Variants in THOP1 observed in about 807,000 individuals in gnomAD.
The protein encoded by THOP1 is thimet oligopeptidase 1.
In THOP1, 49 loss-of-function variants were observed where a neutral mutation model predicts 71.8. That is an observed-to-expected ratio of 0.68 (90% CI 0.54 to 0.87). The LOEUF (loss-of-function observed/expected upper bound fraction) is 0.87, where lower values mean the gene tolerates loss of function less well. Among genes scored for constraint, THOP1 ranks in the 40% least tolerant of loss-of-function variants. THOP1 has a pLI of 0.00. For synonymous variants in THOP1, 426 were observed against 421.5 expected (o/e 1.01, Z -0.13); for missense variants, 843 against 975.6 (o/e 0.86, Z 1.81).
intron 9 of THOP1, chr19:2,809,976 G>A: frequency 2.5e-6 from 1 of 402,210 alleles, no homozygotes; most frequent in Non-Finnish European, 4.5e-6. Flanking sequence ...TCCCCACCCG[G>A]ACCTGGCCGT....
chr19:2,796,195 G>C lies in THOP1; in HGVS notation c.486+7G>C. 6.2e-7 allele frequency: 1 copy of C among 1,604,442 alleles called. No individual in the cohort carries two copies. Among genetic ancestry groups the C allele is most frequent in the Non-Finnish European group, 8.5e-7 (1 of 1,172,654 alleles). On this transcript the variant is annotated splice_region_variant and intron_variant, in intron 4 of 12. Transcript: ENST00000307741. ...CCCCAGAGAGACTCAGGAAGTGAGT[G>C]CTGGGTGTAGGGAGTGCTGGGCGTG...
In THOP1 at chr19:2,799,675, G is replaced by T. The variant is rs369747739; in HGVS notation, c.487-14G>T. On this transcript the variant is annotated splice_polypyrimidine_tract_variant and intron_variant, in intron 4 of 12. Transcript: ENST00000307741. ...CGGTCTCTCCCTCCCCTCACGCCCC[G>T]CCTTTCTCTCCAGAACATCAAACGC... 5.9e-6 allele frequency: 9 copies of T among 1,522,292 alleles called. No individual in the cohort carries two copies. The highest frequency in any genetic ancestry group is 5.6e-5 in the South Asian group (5 of 89,572). The allele number at this position is 1,522,292 out of a possible 1,614,324, so 94.3% of individuals were successfully genotyped here. A position where few individuals can be genotyped will look rare whatever the true frequency, so the allele number is the denominator to read the frequency against.
At position 2,807,458 on chromosome 19, in the gene THOP1, G is replaced by A; in HGVS notation, c.903G>A (p.Lys301=). ...VATFLDELAQ[K]LKPLGEQERA... ...TCCCCGCAGATGAGCTGGCGCAGAA[G>A]CTGAAGCCCCTGGGGGAGCAGGAGC... Residue 301 remains lysine (K), a synonymous_variant, in exon 8 of 13, where the codon AAG becomes AAA. Coordinates refer to ENST00000307741, the MANE Select transcript of THOP1 (RefSeq NM_003249.5). 1 of 1,595,442 alleles carries A rather than the reference G, an allele frequency of 6.3e-7. No individual in the cohort carries two copies. Among genetic ancestry groups the A allele is most frequent in the Non-Finnish European group, 8.6e-7 (1 of 1,168,568 alleles).
chr19:2,810,701 G>C lies in THOP1; in HGVS notation c.1704G>C (p.Thr568=), dbSNP rs776109159. 3.2e-6 allele frequency: 5 copies of C among 1,578,872 alleles called. No homozygotes were observed. The highest frequency in any genetic ancestry group is 3.3e-4 in the Middle Eastern group (2 of 6,034). ...AKVDQALHTQ[T]DADPAEEYAR... is the part of the protein sequence containing the mutation. ...TGGACCAGGCCCTGCACACGCAGAC[G>C]GACGCAGACCCCGCCGAGGAGTATG... is the stretch of plus-strand genomic sequence containing the variant. Residue 568 remains threonine (T), a synonymous_variant, in exon 11 of 13, where the codon ACG becomes ACC. Coordinates refer to ENST00000307741, the MANE Select transcript of THOP1 (RefSeq NM_003249.5).
chr19:2,806,151 C>G (rs1916286885), intron 6 of THOP1: 1 of 152,370 alleles, frequency 6.6e-6, no homozygotes, highest in Non-Finnish European at 1.5e-5. Flanking sequence ...GCTGTTAAGC[C>G]TAAGTAGGTG....
intron 2 of THOP1, among the ~76,000 whole-genome samples, chr19:2,791,949 G>A (rs1915893277): frequency 6.6e-6 from 1 of 152,142 alleles, no homozygotes; most frequent in Non-Finnish European, 1.5e-5. Flanking sequence ...CCCCCAGCCA[G>A]GGCCTCTCCA....
chr19:2,804,940 C>T lies in THOP1; in HGVS notation c.590-76C>T, dbSNP rs946236489. On this transcript the variant is annotated intron_variant, in intron 5 of 12. Transcript: ENST00000307741. The surrounding 1 kb of genome is among the most constrained non-coding windows in gnomAD (Gnocchi z 4.7). ...GCTTTCCAGGCAGAGGGGAAGCCCA[C>T]CCCTTCCCTCACACGCTGTGTGCAG... 1 of 1,432,558 alleles carries T rather than the reference C, an allele frequency of 7.0e-7. No homozygotes were observed. The highest frequency in any genetic ancestry group is 1.4e-5 in the African/African-American group (1 of 69,652). The allele number at this position is 1,432,558 out of a possible 1,614,324, so 88.7% of individuals were successfully genotyped here. A position where few individuals can be genotyped will look rare whatever the true frequency, so the allele number is the denominator to read the frequency against.
rs1916135124 is a variant in THOP1 at position 2,801,117 on chromosome 19, T to A, written c.589+1326T>A. ...GTGGATTCTGGGATTAGCAGGTGAT[T>A]GTTGGAAGGAAAGGGGAGGTCTGGA... On this transcript the variant is annotated intron_variant, in intron 5 of 12. Transcript: ENST00000307741. This position sits in a 1 kb window ranked among gnomAD's most constrained non-coding sequence, Gnocchi z 5.1. Among the ~76,000 whole-genome samples the A allele has an allele frequency of 6.6e-6, 1 of 152,100 alleles. No individual in the cohort carries two copies.
intron 2 of THOP1, 102 bp downstream of exon 2, chr19:2,790,735 T>G (rs900436035): frequency 8.9e-7 from 1 of 1,123,962 alleles, no homozygotes; most frequent in Non-Finnish European, 1.2e-6. Flanking sequence ...GAACCTGGCT[T>G]GAAGTGTCAC....
intron 5 of THOP1, among the ~76,000 whole-genome samples, chr19:2,803,193 T>C (rs1018061719): frequency 2.0e-5 from 3 of 152,378 alleles, no homozygotes; most frequent in East Asian, 3.9e-4. Context: ...GCACCGGATG[T>C]GTTCACCACT....
At chr19:2,802,755 C>T (rs930705258) in intron 5 of THOP1, among the ~76,000 whole-genome samples, 1 of 152,234 alleles carries the variant, frequency 6.6e-6, no homozygotes, top group African/African-American at 2.4e-5. Flanking sequence ...CGCCCTCACC[C>T]TCTGGGCATC....
chr19:2,807,042 C>T lies in THOP1; in HGVS notation c.876C>T (p.Ala292=). Residue 292 remains alanine (A), a synonymous_variant, in exon 7 of 13, where the codon GCC becomes GCT. Coordinates refer to ENST00000307741, the MANE Select transcript of THOP1 (RefSeq NM_003249.5). ...TGGCCAAGACCAGCCAGACCGTGGCCACCTTCCTAGGTAGCCCTTCCTTCC... is the reference window on the plus strand; with the variant it reads ...TGGCCAAGACCAGCCAGACCGTGGCTACCTTCCTAGGTAGCCCTTCCTTCC... ...MNMAKTSQTV[A]TFLDELAQKL... 6.2e-7 allele frequency: 1 copy of T among 1,610,308 alleles called. No homozygotes were observed. Among genetic ancestry groups the T allele is most frequent in the Non-Finnish European group, 8.5e-7 (1 of 1,178,644 alleles).
intron 5 of THOP1, among the ~76,000 whole-genome samples, chr19:2,800,542 A>T (rs926236928): frequency 6.6e-6 from 1 of 152,208 alleles, no homozygotes; most frequent in Admixed American, 6.5e-5. Flanking sequence ...CTCTGAATGT[A>T]GTTGCCTCTG....
chr19:2,792,454 C>T (rs1054215072), intron 2 of THOP1, among the ~76,000 whole-genome samples: 20 of 152,044 alleles, frequency 1.3e-4, no homozygotes, highest in Non-Finnish European at 2.9e-4. Flanking sequence ...CATGAGCCAC[C>T]GTGCCCAGCC....
rs200160673 is a variant in THOP1 at position 2,808,458 on chromosome 19, C to A, written c.1455+14C>A. 1.9e-6 allele frequency: 3 copies of A among 1,577,262 alleles called. No individual in the cohort carries two copies. The South Asian group carries it at 3.5e-5, about 18-fold the overall frequency. The stretch of plus-strand genomic sequence containing the variant: ...CTCTGCTCCCAGGTGGGTGCGGGCC[C>A]GGGCAGGGGCAGGGGCAGGGGCAGG... On this transcript the variant is annotated intron_variant, in intron 9 of 12. Transcript: ENST00000307741.
At position 2,798,172 on chromosome 19, in the gene THOP1, G is replaced by A. The variant is rs1722624496; in HGVS notation, c.487-1517G>A. Among the ~76,000 whole-genome samples the A allele has an allele frequency of 2.6e-5, 4 of 152,036 alleles. No individual in the cohort carries two copies. In the South Asian group the frequency reaches 8.3e-4, roughly 31 times the overall value. On this transcript the variant is annotated intron_variant, in intron 4 of 12. Transcript: ENST00000307741. ...GCCTCTGGAGTAGCTGGGATTACGG[G>A]CACCCGCCAACACAGCTGGCTAATT...
At position 2,810,293 on chromosome 19, in the gene THOP1, C is replaced by T. The variant is rs766188853; in HGVS notation, c.1456-11C>T. On this transcript the variant is annotated splice_polypyrimidine_tract_variant and intron_variant, in intron 9 of 12. Transcript: ENST00000307741. ...ACCTGGGCACTCTGAGGCTCTGCCCCATCCCTGCAGGCGGAGTTCGCCATG... is the reference window on the plus strand; with the variant it reads ...ACCTGGGCACTCTGAGGCTCTGCCCTATCCCTGCAGGCGGAGTTCGCCATG... 39 of 1,609,266 alleles carry T rather than the reference C, an allele frequency of 2.4e-5. No homozygotes were observed. The highest frequency in any genetic ancestry group is 3.1e-5 in the Non-Finnish European group (37 of 1,179,260).
At chr19:2,809,626 A>T (rs1916403500) in intron 9 of THOP1, 1 of 152,288 alleles carries the variant, frequency 6.6e-6, no homozygotes, top group Admixed American at 6.5e-5. Flanking sequence ...CACTGTTTGC[A>T]CAGCACTCGT....
Position 2,794,754 on chromosome 19 carries a change from CCT to C in THOP1, c.230-9_230-8del, listed in dbSNP as rs753845694. 6.2e-6 allele frequency: 10 copies of C among 1,607,386 alleles called. No homozygotes were observed. The highest frequency in any genetic ancestry group is 4.4e-5 in the South Asian group (4 of 90,962). ...TCTCACACCTGTCTCCCTGGTCTCC[CCT>C]GTTTTAGTTCAGAGGAATATCCTTG... On this transcript the variant is annotated splice_polypyrimidine_tract_variant and splice_region_variant and intron_variant, in intron 2 of 12. Transcript: ENST00000307741.
Sources: allele counts gnomAD v4.1 joint callset (sites outside exome capture counted in the v4.1 genomes callset), GRCh38; gene constraint gnomAD v4.1.1; non-coding constraint Gnocchi (gnomAD v3.1); transcripts MANE v1.5; gene names NCBI Gene and HGNC (gene_info 2026-07-23, HGNC 2026-07-21).